PLXND1: variants seen among roughly 807,000 people sequenced by gnomAD.
The protein encoded by PLXND1 is plexin-D1.
PLXND1 carries 54 observed loss-of-function variants against 197.7 expected under a neutral mutation model. That is an observed-to-expected ratio of 0.27 (90% CI 0.22 to 0.34). The LOEUF (loss-of-function observed/expected upper bound fraction) is 0.34. PLXND1 is among the 10% of genes least tolerant of loss of function. PLXND1 has a pLI of 1.00. For missense variants in PLXND1, 2,127 were observed against 2,699.2 expected (o/e 0.79, Z 4.70); for synonymous variants, 1,180 against 1,161.2 (o/e 1.02, Z -0.33).
At chr3:129,581,333 C>T (rs77874617) in intron 8 of PLXND1, among the ~76,000 whole-genome samples, 1,653 of 152,320 alleles carry the variant, frequency 0.011, 36 homozygotes, top group African/African-American at 0.037. Flanking sequence ...TGTGCCTCCA[C>T]CCCAGCTCCT....
rs1383711525 is a variant in PLXND1 at position 129,561,697 on chromosome 3, C to A, written c.4942G>T (p.Ala1648Ser). ...TLAHYKIPEG[A>S]SLAMSLIDKK... ...TCTATGAGACTCATGGCCAGGGAGGCACCTTCAGGGATCTGATGGGAGGGG... is the reference window on the plus strand; with the variant it reads ...TCTATGAGACTCATGGCCAGGGAGGAACCTTCAGGGATCTGATGGGAGGGG... Residue 1648 changes from alanine to serine, a missense_variant, in exon 29 of 36, where the codon GCC becomes TCC. Physicochemically the swap from Ala to Ser is moderately conservative, Grantham distance 99. Around this residue, in one of 6 missense-constraint regions of PLXND1, gnomAD observed 532 missense variants for 811.0 expected, o/e 0.66. Coordinates refer to ENST00000324093, the MANE Select transcript of PLXND1 (RefSeq NM_015103.3). The A allele has an allele frequency of 6.2e-7, 1 of 1,606,896 alleles. No homozygotes were observed. Among genetic ancestry groups the A allele is most frequent in the Non-Finnish European group, 8.5e-7 (1 of 1,176,836 alleles).
Position 129,558,698 on chromosome 3 carries a change from A to G in PLXND1, c.5298-123T>C, listed in dbSNP as rs2085010368. 4.1e-6 allele frequency: 4 copies of G among 970,886 alleles called. No individual in the cohort carries two copies. The highest frequency in any genetic ancestry group is 1.6e-5 in the African/African-American group (1 of 61,614). The allele number at this position is 970,886 out of a possible 1,614,324, so 60.1% of individuals were successfully genotyped here. On this transcript the variant is annotated intron_variant, in intron 32 of 35. Coordinates refer to ENST00000324093, the MANE Select transcript of PLXND1 (RefSeq NM_015103.3). The surrounding 1 kb of genome is among the most constrained non-coding windows in gnomAD (Gnocchi z 4.1). ...CCTGAGGTTGGAGCCTTGTCACAAG[A>G]TGTGACCTTTGGGAACCTTAGTTTG...
chr3:129,584,197 C>A lies in PLXND1; in HGVS notation c.2066G>T (p.Gly689Val). 2 of 1,590,008 alleles carry A rather than the reference C, an allele frequency of 1.3e-6. No homozygotes were observed. Among genetic ancestry groups the A allele is most frequent in the South Asian group, 2.3e-5 (2 of 87,952 alleles). ...VTVEMSVRVN[G>V]RNIVKANFTI... Reference sequence around the variant, plus strand: ...GAAATTGGCCTTGACGATGTTCCGCCCATTGACCCTCACAGACATCTCAAC... The same window carrying A: ...GAAATTGGCCTTGACGATGTTCCGCACATTGACCCTCACAGACATCTCAAC... The change falls in exon 7 of 36, where the codon GGG becomes GTG. Residue 689 changes from glycine to valine, a missense_variant. Transcript: ENST00000324093.
intron 1 of PLXND1, among the ~76,000 whole-genome samples, chr3:129,596,644 G>A (rs62267579): frequency 0.097 from 14,727 of 152,208 alleles, 931 homozygotes; most frequent in East Asian, 0.26. Flanking sequence ...TCCAGGCCAG[G>A]AGCCGAGAAA....
At chr3:129,586,843 G>A (rs2085469184) in intron 2 of PLXND1, 124 bp from the exon 3 acceptor site, 1 of 1,167,686 alleles carries the variant, frequency 8.6e-7, no homozygotes, top group African/African-American at 1.5e-5. Flanking sequence ...TTCAGGAGGG[G>A]TGGGAAGTCA....
At position 129,584,607 on chromosome 3, in the gene PLXND1, C is replaced by T. The variant is rs200270835; in HGVS notation, c.1852-45G>A. 112 of 1,543,208 alleles carry T rather than the reference C, an allele frequency of 7.3e-5. No individual in the cohort carries two copies. The East Asian group carries it at 2.0e-3, about 28-fold the overall frequency. On this transcript the variant is annotated intron_variant, in intron 5 of 35. Transcript: ENST00000324093. The stretch of plus-strand genomic sequence containing the variant: ...AGCTCTGGGGGTCCAGGCTATGCTC[C>T]TCACAGCCTGCCCCAGGGCTGTGCA...
chr3:129,584,378 T>G lies in PLXND1; in HGVS notation c.2029+7A>C, dbSNP rs764399477. ...CTGGGGCTGTGCCAACAGCACAGCGTGCTTACCCTGGTTGGGGGGGAAGGG... is the reference window on the plus strand; with the variant it reads ...CTGGGGCTGTGCCAACAGCACAGCGGGCTTACCCTGGTTGGGGGGGAAGGG... On this transcript the variant is annotated splice_region_variant and intron_variant, in intron 6 of 35. Transcript: ENST00000324093. 19 of 1,610,988 alleles carry G rather than the reference T, an allele frequency of 1.2e-5. No individual in the cohort carries two copies. The highest frequency in any genetic ancestry group is 1.5e-5 in the Non-Finnish European group (18 of 1,178,700).
rs1233220868 is a variant in PLXND1 at position 129,605,617 on chromosome 3, C to G, written c.1023G>C (p.Leu341Phe). ...AKKLTESYIQ[L>F]GLQCAGGAGR... ...CCGCGCCGCCCGCGCACTGCAAGCC[C>G]AACTGGATGTAGGACTCGGTGAGCT... The change falls in exon 1 of 36, where the codon TTG (leucine) becomes TTC (phenylalanine). Residue 341 changes from leucine to phenylalanine, a missense_variant. Leu to Phe is a conservative substitution (Grantham distance 22, BLOSUM62 0). Around this residue, in one of 6 missense-constraint regions of PLXND1, gnomAD observed 1,095 missense variants for 1,259.8 expected, o/e 0.87. Transcript: ENST00000324093. 1.3e-6 allele frequency: 2 copies of G among 1,537,144 alleles called. No homozygotes were observed. The highest frequency in any genetic ancestry group is 8.7e-7 in the Non-Finnish European group (1 of 1,145,408).
At chr3:129,564,216 C>A (rs2085104700) in intron 25 of PLXND1, among the ~76,000 whole-genome samples, 1 of 152,244 alleles carries the variant, frequency 6.6e-6, no homozygotes, top group South Asian at 2.1e-4. Context: ...CCGTGGGGCT[C>A]CCCCAGGCTA....
At chr3:129,586,392 T>A in intron 3 of PLXND1, 120 bp from the exon 4 acceptor site, 1 of 1,004,708 alleles carries the variant, frequency 1.0e-6, no homozygotes, top group Non-Finnish European at 1.5e-6. Context: ...AACACTCTAA[T>A]GGGGGAACAT....
intron 9 of PLXND1, 54 bp downstream of exon 9, chr3:129,578,275 G>T: frequency 1.8e-6 from 2 of 1,122,418 alleles, no homozygotes; most frequent in Non-Finnish European, 2.7e-6. Flanking sequence ...AGTGGCCTGC[G>T]TGCTCCCCGG....
At position 129,556,435 on chromosome 3, in the gene PLXND1, G is replaced by C; in HGVS notation, c.5662-7C>G. On this transcript the variant is annotated splice_polypyrimidine_tract_variant and splice_region_variant and intron_variant, in intron 35 of 35. Coordinates refer to ENST00000324093, the MANE Select transcript of PLXND1 (RefSeq NM_015103.3). ...CCTCCAGCGCGGCCATGATCTGAGG[G>C]GAGCAGCGGAGTCAGCCGGGCCATG... 2 of 1,607,702 alleles carry C rather than the reference G, an allele frequency of 1.2e-6. No individual in the cohort carries two copies. Among genetic ancestry groups the C allele is most frequent in the Non-Finnish European group, 1.7e-6 (2 of 1,174,170 alleles).
intron 29 of PLXND1, 105 bp downstream of exon 29, chr3:129,561,541 A>C (rs2085060430): frequency 1.2e-6 from 1 of 858,966 alleles, no homozygotes; most frequent in Admixed American, 2.2e-5. Flanking sequence ...GCCTCAGCCC[A>C]GGCCAGCCCT....
rs149369160 is a variant in PLXND1 at position 129,571,172 on chromosome 3, T to C, written c.3468A>G (p.Leu1156=). Residue 1156 remains leucine (L), a synonymous_variant, in exon 18 of 36, where the codon CTA becomes CTG. Transcript: ENST00000324093. Reference sequence around the variant, plus strand: ...CCCGCTGTGCCTCCTCGGGGTCCAGTAGCTCCTCAGCCACAGCCACCTCGT... The same window carrying C: ...CCCGCTGTGCCTCCTCGGGGTCCAGCAGCTCCTCAGCCACAGCCACCTCGT... ...YADEVAVAEE[L]LDPEEAQRGS... The C allele has an allele frequency of 1.9e-6, 3 of 1,614,068 alleles. No homozygotes were observed. The highest frequency in any genetic ancestry group is 1.7e-6 in the Non-Finnish European group (2 of 1,180,020).
At chr3:129,583,761 A>C in intron 7 of PLXND1, 92 bp from the exon 8 acceptor site, 1 of 821,336 alleles carries the variant, frequency 1.2e-6, no homozygotes, top group Admixed American at 2.3e-5. Flanking sequence ...AGATCCCAGC[A>C]CAGGGAAAGG....
intron 1 of PLXND1, among the ~76,000 whole-genome samples, chr3:129,604,038 C>A (rs968260017): frequency 2.0e-5 from 3 of 152,186 alleles, no homozygotes; most frequent in African/African-American, 7.2e-5. Flanking sequence ...GGAGCAATCC[C>A]TTGCCATGAA....
In PLXND1 at chr3:129,557,230, AGAG is replaced by A. The variant is rs767339608; in HGVS notation, c.5446-10_5446-8del. 2 of 1,614,020 alleles carry A rather than the reference AGAG, an allele frequency of 1.2e-6. No individual in the cohort carries two copies. Among genetic ancestry groups the A allele is most frequent in the Admixed American group, 3.3e-5 (2 of 60,020 alleles). ...GCTTGTTGGTTGGCGAATCCTGGGC[AGAG>A]AAGAGCGAGGGTGTTAGATGGCTGC... On this transcript the variant is annotated splice_region_variant and splice_polypyrimidine_tract_variant and intron_variant, in intron 33 of 35. Coordinates refer to ENST00000324093, the MANE Select transcript of PLXND1 (RefSeq NM_015103.3). This position sits in a 1 kb window ranked among gnomAD's most constrained non-coding sequence, Gnocchi z 4.8.
At chr3:129,590,241 A>G (rs2085519826) in intron 1 of PLXND1, among the ~76,000 whole-genome samples, 1 of 152,134 alleles carries the variant, frequency 6.6e-6, no homozygotes. Flanking sequence ...AGCATCACCC[A>G]TGCCCTCCAG....
intron 11 of PLXND1, 142 bp from the exon 12 acceptor site, chr3:129,574,632 G>A (rs1406418005): frequency 1.2e-6 from 1 of 869,202 alleles, no homozygotes; most frequent in Non-Finnish European, 1.8e-6. Flanking sequence ...CTGATTCTGG[G>A]GGTCAGGATC....
Sources: gnomAD v4.1 joint callset for allele counts (sites outside exome capture counted in the v4.1 genomes callset) on GRCh38, gnomAD v4.1.1 for gene constraint, gnomAD v4.1.1 regional missense constraint, Gnocchi (gnomAD v3.1) non-coding constraint, MANE v1.5 for transcripts, NCBI Gene and HGNC (gene_info 2026-07-23, HGNC 2026-07-21) for gene names.